The following GALNTL6 variants were observed in gnomAD, a reference collection of about 807,000 sequenced individuals.
GALNTL6 encodes polypeptide N-acetylgalactosaminyltransferase-like 6.
Under a neutral mutation model 73.7 loss-of-function variants are expected in GALNTL6, and 46 were observed. That is an observed-to-expected ratio of 0.62 (90% CI 0.49 to 0.80). The LOEUF is 0.80. GALNTL6 is among the 30% of genes least tolerant of loss of function. The pLI, the probability that GALNTL6 is intolerant of heterozygous loss-of-function variation, is 0.00. For synonymous variants in GALNTL6, 259 were observed against 263.7 expected (o/e 0.98, Z 0.17); for missense variants, 604 against 755.0 (o/e 0.80, Z 2.34).
intron 5 of GALNTL6, among the ~76,000 whole-genome samples, chr4:172,454,502 A>G (rs984163042): frequency 5.3e-5 from 8 of 152,218 alleles, no homozygotes; most frequent in African/African-American, 1.4e-4. Flanking sequence ...AGGCCTTTGC[A>G]TCCTTCTGGG....
intron 5 of GALNTL6, among the ~76,000 whole-genome samples, chr4:172,618,012 T>C (rs1560838389): frequency 1.3e-5 from 2 of 152,174 alleles, no homozygotes; most frequent in Non-Finnish European, 2.9e-5. Context: ...TCCAAAAGAT[T>C]CTCAAATATG....
At chr4:172,075,738 G>A (rs1731682777) in intron 2 of GALNTL6, among the ~76,000 whole-genome samples, 1 of 151,936 alleles carries the variant, frequency 6.6e-6, no homozygotes, top group Non-Finnish European at 1.5e-5. Flanking sequence ...CTAATACCCT[G>A]CCAGAAATGA....
At chr4:171,828,806 T>C (rs142811444) in intron 2 of GALNTL6, among the ~76,000 whole-genome samples, 15 of 152,124 alleles carry the variant, frequency 9.9e-5, no homozygotes, top group African/African-American at 3.4e-4. Context: ...TATTTTTAGT[T>C]GAGACAGGGT....
chr4:172,367,841 T>C (rs1371719109), intron 5 of GALNTL6, among the ~76,000 whole-genome samples: 1 of 152,242 alleles, frequency 6.6e-6, no homozygotes, highest in African/African-American at 2.4e-5. Flanking sequence ...GAGAAAAATA[T>C]GTATATGTCT....
At chr4:172,003,691 G>A (rs990282485) in intron 2 of GALNTL6, among the ~76,000 whole-genome samples, 2 of 152,034 alleles carry the variant, frequency 1.3e-5, no homozygotes, top group African/African-American at 2.4e-5. Flanking sequence ...TCGAAAGACC[G>A]TTTGGGCTCT....
chr4:172,292,415 A>G (rs938102890), intron 3 of GALNTL6, among the ~76,000 whole-genome samples: 24 of 152,146 alleles, frequency 1.6e-4, no homozygotes, highest in African/African-American at 5.3e-4. Context: ...GAATAGGATA[A>G]TATTGCATGA....
At chr4:171,927,710 A>G (rs1738031655) in intron 2 of GALNTL6, among the ~76,000 whole-genome samples, 1 of 152,094 alleles carries the variant, frequency 6.6e-6, no homozygotes, top group South Asian at 2.1e-4. Flanking sequence ...TCCTGTCTCA[A>G]GGACATTAAA....
intron 2 of GALNTL6, among the ~76,000 whole-genome samples, chr4:171,931,551 G>T (rs1218134456): frequency 6.6e-6 from 1 of 152,172 alleles, no homozygotes; most frequent in Non-Finnish European, 1.5e-5. Context: ...TGATTTTTAA[G>T]TTAATTTTAA....
chr4:172,023,018 T>C (rs17057891), intron 2 of GALNTL6, among the ~76,000 whole-genome samples: 16,273 of 151,974 alleles, frequency 0.11, 2,193 homozygotes, highest in African/African-American at 0.32. Flanking sequence ...CATTTAAATT[T>C]CTTCTACCAA....
At chr4:171,916,539 A>G (rs1737637393) in intron 2 of GALNTL6, among the ~76,000 whole-genome samples, 3 of 152,122 alleles carry the variant, frequency 2.0e-5, no homozygotes, top group Admixed American at 1.3e-4. Flanking sequence ...TCTGACATGT[A>G]CTTTGACTTT....
intron 5 of GALNTL6, among the ~76,000 whole-genome samples, chr4:172,754,129 T>C (rs1435534922): frequency 1.3e-5 from 2 of 152,226 alleles, no homozygotes; most frequent in East Asian, 1.9e-4. Context: ...TGGAATATTG[T>C]GTAGGTCTTC....
At chr4:171,963,315 A>G (rs1739286251) in intron 2 of GALNTL6, among the ~76,000 whole-genome samples, 1 of 152,130 alleles carries the variant, frequency 6.6e-6, no homozygotes, top group Non-Finnish European at 1.5e-5. Context: ...ATATTTTTCA[A>G]TGCAATGTAA....
At chr4:172,476,654 C>T (rs1029443049) in intron 5 of GALNTL6, among the ~76,000 whole-genome samples, 3 of 152,038 alleles carry the variant, frequency 2.0e-5, no homozygotes, top group African/African-American at 7.2e-5. Flanking sequence ...TCATGGAGCG[C>T]TGAATAAACT....
rs560560864 is a variant in GALNTL6 at position 172,448,652 on chromosome 4, C to T, written c.553+99963C>T. ...GGAAAAGTTTAGATATTATTGACAACGCTTTTTAGTCTTCTCTAGAAATAG... is the reference window on the plus strand; with the variant it reads ...GGAAAAGTTTAGATATTATTGACAATGCTTTTTAGTCTTCTCTAGAAATAG... On this transcript the variant is annotated intron_variant, in intron 5 of 12. Transcript: ENST00000506823. Among the ~76,000 whole-genome samples, 47 of 152,296 alleles carry T rather than the reference C, an allele frequency of 3.1e-4. No homozygotes were observed. In the East Asian group the frequency reaches 5.6e-3, roughly 18 times the overall value.
At chr4:172,542,700 T>G (rs1735605785) in intron 5 of GALNTL6, among the ~76,000 whole-genome samples, 1 of 152,184 alleles carries the variant, frequency 6.6e-6, no homozygotes, top group African/African-American at 2.4e-5. Flanking sequence ...GGGGTCCCCT[T>G]GGCCAAGGTG....
intron 5 of GALNTL6, among the ~76,000 whole-genome samples, chr4:172,409,777 C>A (rs1342647199): frequency 6.6e-6 from 1 of 151,968 alleles, no homozygotes; most frequent in Non-Finnish European, 1.5e-5. Context: ...TGTATAGTAG[C>A]TAGACCTGCA....
chr4:172,282,575 C>A (rs1739098070), intron 3 of GALNTL6, among the ~76,000 whole-genome samples: 1 of 150,824 alleles, frequency 6.6e-6, no homozygotes, highest in Non-Finnish European at 1.5e-5. Flanking sequence ...CTAAGCAAAA[C>A]CTTTTAGGAT....
rs1285107674 is a variant in GALNTL6 at position 171,841,923 on chromosome 4, A to T, written c.138+27205A>T. ...TTAAAATCTGGATTATTACAAGATT[A>T]TAAGTGATTCTTCTAAAATAAGGCA... On this transcript the variant is annotated intron_variant, in intron 2 of 12. Transcript: ENST00000506823. 3.3e-5 allele frequency among the ~76,000 whole-genome samples: 5 copies of T among 152,248 alleles called. No individual in the cohort carries two copies. The East Asian group carries it at 7.7e-4, about 23-fold the overall frequency.
intron 5 of GALNTL6, among the ~76,000 whole-genome samples, chr4:172,801,738 A>G (rs1740657611): frequency 6.6e-6 from 1 of 152,194 alleles, no homozygotes; most frequent in Non-Finnish European, 1.5e-5. Context: ...CAGAACTATT[A>G]TACATTCAAA....
Sources: allele counts gnomAD v4.1 joint callset (sites outside exome capture counted in the v4.1 genomes callset), GRCh38; gene constraint gnomAD v4.1.1; transcripts MANE v1.5; gene names NCBI Gene and HGNC (gene_info 2026-07-23, HGNC 2026-07-21).